Variants in RNF170 observed in about 807,000 individuals in gnomAD.
RNF170 encodes the protein E3 ubiquitin-protein ligase RNF170.
In RNF170, 12 loss-of-function variants were observed where a neutral mutation model predicts 32.7. The observed-to-expected ratio is 0.37, with a 90% CI of 0.24 to 0.60. The LOEUF is 0.60. Ranked by LOEUF, RNF170 falls within the 20% of genes least tolerant of loss-of-function variation. The pLI, the probability that RNF170 is intolerant of heterozygous loss-of-function variation, is 0.72. For synonymous variants in RNF170, 91 were observed against 103.6 expected, an observed-to-expected ratio of 0.88 and a Z score of 0.74; for missense variants, 212 against 311.2, an observed-to-expected ratio of 0.68 and a Z score of 2.40.
intron 5 of RNF170, among the ~76,000 whole-genome samples, chr8:42,864,429 T>C (rs1460663917): frequency 6.6e-6 from 1 of 152,092 alleles, no homozygotes; most frequent in Non-Finnish European, 1.5e-5. Context: ...GAAAAATAAA[T>C]ATAAAGGAAA....
At chr8:42,867,961 C>T (rs1320888133) in intron 4 of RNF170, among the ~76,000 whole-genome samples, 2 of 151,952 alleles carry the variant, frequency 1.3e-5, no homozygotes, top group African/African-American at 4.8e-5. Context: ...GGGCAAATGT[C>T]GGAAAGGAGT....
chr8:42,861,139 T>G (rs1237702807), intron 6 of RNF170, among the ~76,000 whole-genome samples: 1 of 152,244 alleles, frequency 6.6e-6, no homozygotes, highest in Non-Finnish European at 1.5e-5. Context: ...TGTTTTAGTA[T>G]CACAAAGAAG....
At position 42,855,025 on chromosome 8, in the gene RNF170, C is replaced by T; in HGVS notation, c.*1134G>A. 1 of 1,287,224 alleles carries T rather than the reference C, an allele frequency of 7.8e-7. No individual in the cohort carries two copies. The highest frequency in any genetic ancestry group is 1.0e-6 in the Non-Finnish European group (1 of 988,710). The allele number at this position is 1,287,224 out of a possible 1,614,324, so 79.7% of individuals were successfully genotyped here. On this transcript the variant is annotated 3_prime_UTR_variant, in exon 7 of 7. Transcript: ENST00000527424. ...ATGTAAATACCGTTCCCAGTACCTT[C>T]CTATTGGCTTGATGCTCAAAGACAC...
chr8:42,884,980 G>A (rs549867921), intron 2 of RNF170, among the ~76,000 whole-genome samples: 2 of 151,462 alleles, frequency 1.3e-5, no homozygotes, highest in East Asian at 3.9e-4. Flanking sequence ...GGAATTACAG[G>A]CGCGAGCCAC....
At chr8:42,869,073 G>A (rs957528140) in intron 4 of RNF170, among the ~76,000 whole-genome samples, 1 of 152,010 alleles carries the variant, frequency 6.6e-6, no homozygotes, top group African/African-American at 2.4e-5. Context: ...ATTGCGCCTG[G>A]CTAATTTCTT....
At chr8:42,858,617 A>G (rs377061932) in intron 6 of RNF170, among the ~76,000 whole-genome samples, 49 of 152,224 alleles carry the variant, frequency 3.2e-4, no homozygotes, top group African/African-American at 1.0e-3. Flanking sequence ...AGAGGGCGCC[A>G]CAGAGCAGGG....
At chr8:42,850,536 C>A, downstream of RNF170, 1 of 526,888 alleles carries the variant, frequency 1.9e-6, no homozygotes, top group Non-Finnish European at 3.4e-6. Flanking sequence ...ATGTGTTGAG[C>A]ACTACTGTGG....
rs1805942893 is a variant in RNF170, at chr8:42,887,767, C to T, written c.98G>A (p.Ser33Asn). ...SDQVLVAVVV[S>N]FALIATLVYA... Reference sequence around the variant, plus strand: ...TACCAGGGTAGCAATCAAAGCGAAACTGACCACAACTGCCACAAGTACTTG... The same window carrying T: ...TACCAGGGTAGCAATCAAAGCGAAATTGACCACAACTGCCACAAGTACTTG... Residue 33 changes from serine (S) to asparagine (N), a missense_variant, in exon 2 of 7, where the codon AGT becomes AAT. Coordinates refer to ENST00000527424, the MANE Select transcript of RNF170 (RefSeq NM_030954.4). 1.2e-6 allele frequency: 2 copies of T among 1,613,956 alleles called. No homozygotes were observed. The highest frequency in any genetic ancestry group is 2.7e-5 in the African/African-American group (2 of 74,928).
downstream of RNF170, among the ~76,000 whole-genome samples, chr8:42,852,956 CTTTT>C (rs76276558): frequency 4.6e-4 from 64 of 138,964 alleles, 1 homozygote; most frequent in African/African-American, 1.6e-3. Flanking sequence ...TATCTACAAA[CTTTT>C]TTTTTTTTTT....
downstream of RNF170, chr8:42,850,582 T>G (rs375780096): frequency 3.2e-5 from 20 of 625,934 alleles, no homozygotes; most frequent in East Asian, 5.7e-4. Flanking sequence ...AATATCTGGG[T>G]GGACAAAACT....
intron 6 of RNF170, among the ~76,000 whole-genome samples, chr8:42,857,037 G>A (rs184935634): frequency 1.2e-3 from 177 of 152,266 alleles, no homozygotes; most frequent in African/African-American, 4.2e-3. Flanking sequence ...TAAAGACATA[G>A]GAACTTTGAT....
chr8:42,896,873 C>CG, upstream of RNF170: 1 of 317,502 alleles, frequency 3.1e-6, no homozygotes, highest in South Asian at 1.4e-4. Flanking sequence ...GCGGTGTGGG[C>CG]GGCCGGGGGC....
intron 2 of RNF170, among the ~76,000 whole-genome samples, chr8:42,883,134 G>C (rs1805546628): frequency 6.6e-6 from 1 of 151,808 alleles, no homozygotes; most frequent in African/African-American, 2.4e-5. Flanking sequence ...GGAAATAATA[G>C]ACATCAGGAA....
chr8:42,855,880 A>G lies in RNF170; in HGVS notation c.*279T>C, dbSNP rs1158501589. The G allele has an allele frequency of 4.2e-6, 5 of 1,197,838 alleles. No homozygotes were observed. In the Admixed American group the frequency reaches 1.4e-4, roughly 33 times the overall value. 74.2% of individuals were successfully genotyped at this position (1,197,838 alleles called of 1,614,324 possible). On this transcript the variant is annotated 3_prime_UTR_variant, in exon 7 of 7. Transcript: ENST00000527424. ...GGGGAAAAGAAAAATATATAAAAGCATCCCTTTTTATATAATTCCATATTT... is the reference window on the plus strand; with the variant it reads ...GGGGAAAAGAAAAATATATAAAAGCGTCCCTTTTTATATAATTCCATATTT...
At chr8:42,893,676 T>A (rs758297022) in intron 1 of RNF170, among the ~76,000 whole-genome samples, 6 of 152,240 alleles carry the variant, frequency 3.9e-5, no homozygotes, top group Non-Finnish European at 8.8e-5. Context: ...AGCTACAGTG[T>A]TTGGTTAATA....
At chr8:42,850,703 TG>T (rs1802918256), downstream of RNF170, 2 of 1,501,194 alleles carry the variant, frequency 1.3e-6, no homozygotes. Context: ...CAGAGTGCCC[TG>T]GGGTAAGGGG....
chr8:42,855,712 A>G lies in RNF170; in HGVS notation c.*447T>C, dbSNP rs1383089276. ...GAAATACTGAATTTTCCCCAATAGT[A>G]TATAATATTTTATTGGAACAAAAAT... is the stretch of plus-strand genomic sequence containing the variant. On this transcript the variant is annotated 3_prime_UTR_variant, in exon 7 of 7. Coordinates refer to ENST00000527424, the MANE Select transcript of RNF170 (RefSeq NM_030954.4). The G allele has an allele frequency of 1.6e-6, 2 of 1,268,052 alleles. No individual in the cohort carries two copies. Among genetic ancestry groups the G allele is most frequent in the Admixed American group, 4.9e-5 (2 of 40,648 alleles). The allele number at this position is 1,268,052 out of a possible 1,614,324, so 78.6% of individuals were successfully genotyped here. A position where few individuals can be genotyped will look rare whatever the true frequency, so the allele number is the denominator to read the frequency against.
rs1381144256 is a variant in RNF170 at position 42,855,763 on chromosome 8, A to G, written c.*396T>C. The stretch of plus-strand genomic sequence containing the variant: ...ATTTAGATGAGTTTCACAGCTATAT[A>G]TTATCATATAGGTACCTGCTGAGAA... On this transcript the variant is annotated 3_prime_UTR_variant, in exon 7 of 7. Coordinates refer to ENST00000527424, the MANE Select transcript of RNF170 (RefSeq NM_030954.4). 8 of 1,250,356 alleles carry G rather than the reference A, an allele frequency of 6.4e-6. No homozygotes were observed. The highest frequency in any genetic ancestry group is 7.3e-6 in the Non-Finnish European group (7 of 959,998). 77.5% of individuals were successfully genotyped at this position (1,250,356 alleles called of 1,614,324 possible).
Position 42,873,913 on chromosome 8 carries a change from T to A in RNF170, c.213+18A>T. 1.4e-6 allele frequency: 2 copies of A among 1,413,206 alleles called. No individual in the cohort carries two copies. The highest frequency in any genetic ancestry group is 2.0e-6 in the Non-Finnish European group (2 of 997,148). 87.5% of individuals were successfully genotyped at this position (1,413,206 alleles called of 1,614,324 possible). On this transcript the variant is annotated intron_variant, in intron 3 of 6. Transcript: ENST00000527424. ...GGAGCTATCACATCTACTCCTCAAA[T>A]AAATACATATACAATACCTGTTCTG...
Sources: gnomAD v4.1 joint callset for allele counts (sites outside exome capture counted in the v4.1 genomes callset) on GRCh38, gnomAD v4.1.1 for gene constraint, MANE v1.5 for transcripts, NCBI Gene and HGNC (gene_info 2026-07-23, HGNC 2026-07-21) for gene names.